PAX2: variants seen among roughly 807,000 people sequenced by gnomAD.
The protein encoded by PAX2 is paired box 2, also known as paired box protein Pax-2.
PAX2 carries 9 observed loss-of-function variants against 41.7 expected under a neutral mutation model. The observed-to-expected ratio is 0.22, with a 90% CI of 0.13 to 0.38. PAX2 has a LOEUF of 0.38. PAX2 is among the 10% of genes least tolerant of loss of function. The pLI, the probability that PAX2 is intolerant of heterozygous loss-of-function variation, is 1.00. For synonymous variants in PAX2, 221 were observed against 212.7 expected, an observed-to-expected ratio of 1.04 and a Z score of -0.34; for missense variants, 418 against 531.6, an observed-to-expected ratio of 0.79 and a Z score of 2.10.
At chr10:100,778,400 G>C (rs906838794) in intron 3 of PAX2, among the ~76,000 whole-genome samples, 1 of 152,132 alleles carries the variant, frequency 6.6e-6, no homozygotes, top group Non-Finnish European at 1.5e-5. Context: ...CTTTTTTGGG[G>C]ATTAAGTCTC....
chr10:100,810,919 T>G (rs186374192), intron 7 of PAX2, among the ~76,000 whole-genome samples: 57 of 147,350 alleles, frequency 3.9e-4, no homozygotes, highest in African/African-American at 1.4e-3. Flanking sequence ...GGCTGATCCA[T>G]CTGGATCCAA....
In PAX2 at chr10:100,824,804, T is replaced by C; in HGVS notation, c.1021+55T>C. The stretch of plus-strand genomic sequence containing the variant: ...TAGGTGGGGGGAACTAAATTGTGGG[T>C]GAGCTGCTGAATGGTCTGTAGTCTG... On this transcript the variant is annotated intron_variant, in intron 8 of 9. Coordinates refer to ENST00000355243, the MANE Select transcript of PAX2 (RefSeq NM_000278.5). The surrounding 1 kb of genome is among the most constrained non-coding windows in gnomAD (Gnocchi z 6.6). 1 of 1,492,982 alleles carries C rather than the reference T, an allele frequency of 6.7e-7. No individual in the cohort carries two copies. Among genetic ancestry groups the C allele is most frequent in the South Asian group, 1.1e-5 (1 of 88,646 alleles). The allele number at this position is 1,492,982 out of a possible 1,614,324, so 92.5% of individuals were successfully genotyped here.
In PAX2 at chr10:100,827,079, C is replaced by T. The variant is rs1350539745; in HGVS notation, c.1092C>T (p.Ser364=). ...YTAYNEAWRF[S]NPALLSSPYY... ...CCTACAACGAGGCTTGGAGATTCAG[C>T]AACCCCGCCTTACTAAGTGAGTACG... The change falls in exon 9 of 10, where the codon AGC becomes AGT. Residue 364 remains serine (S), a synonymous_variant. Coordinates refer to ENST00000355243, the MANE Select transcript of PAX2 (RefSeq NM_000278.5). The surrounding 1 kb of genome is among the most constrained non-coding windows in gnomAD (Gnocchi z 8.5). The T allele has an allele frequency of 6.2e-7, 1 of 1,613,030 alleles. No homozygotes were observed. Among genetic ancestry groups the T allele is most frequent in the Non-Finnish European group, 8.5e-7 (1 of 1,179,046 alleles).
Position 100,790,562 on chromosome 10 carries a change from G to A in PAX2, c.616+9197G>A, listed in dbSNP as rs1049493554. On this transcript the variant is annotated intron_variant, in intron 5 of 9. Transcript: ENST00000355243. ...AAGCAGGAAGGAGGAGATGAGCGCCGAAGCTATCCCCGGGCCCTGCTACTC... is the reference window on the plus strand; with the variant it reads ...AAGCAGGAAGGAGGAGATGAGCGCCAAAGCTATCCCCGGGCCCTGCTACTC... Among the ~76,000 whole-genome samples the A allele has an allele frequency of 9.2e-5, 14 of 152,208 alleles. 1 individual carries two copies. Among genetic ancestry groups the A allele is most frequent in the Non-Finnish European group, 1.9e-4 (13 of 68,048 alleles).
At chr10:100,799,988 T>C (rs1009456791) in intron 5 of PAX2, among the ~76,000 whole-genome samples, 1 of 152,004 alleles carries the variant, frequency 6.6e-6, no homozygotes, top group South Asian at 2.1e-4. Flanking sequence ...GGTTTTACCA[T>C]GTTGGCCAGG....
At chr10:100,809,492 C>G (rs1051300969) in intron 7 of PAX2, among the ~76,000 whole-genome samples, 1 of 152,212 alleles carries the variant, frequency 6.6e-6, no homozygotes, top group Non-Finnish European at 1.5e-5. Flanking sequence ...TCCTCCTGTC[C>G]TTCGCCTCTC....
chr10:100,738,000 C>T (rs1235749704), intron 1 of PAX2, among the ~76,000 whole-genome samples: 3 of 152,266 alleles, frequency 2.0e-5, no homozygotes, highest in Non-Finnish European at 4.4e-5. Flanking sequence ...GCTATCGCTG[C>T]CTATACCCCC....
rs543423053 is a variant in PAX2 at position 100,750,838 on chromosome 10, G to T, written c.357G>T (p.Leu119=). The change falls in exon 3 of 10, where the codon CTG becomes CTT. Residue 119 remains leucine (L), a synonymous_variant. Coordinates refer to ENST00000355243, the MANE Select transcript of PAX2 (RefSeq NM_000278.5). This position sits in a 1 kb window ranked among gnomAD's most constrained non-coding sequence, Gnocchi z 4.1. ...MFAWEIRDRL[L]AEGICDNDTV... is the part of the protein sequence containing the mutation. ...CCTGGGAGATTCGAGACCGGCTCCT[G>T]GCCGAGGGCATCTGTGACAATGACA... 48 of 1,614,152 alleles carry T rather than the reference G, an allele frequency of 3.0e-5. No individual in the cohort carries two copies. In the Admixed American group the frequency reaches 5.5e-4, roughly 18 times the overall value.
chr10:100,747,993 A>T, intron 1 of PAX2: 1 of 982,964 alleles, frequency 1.0e-6, no homozygotes, highest in Non-Finnish European at 1.2e-6. Context: ...AGAGAGCCGC[A>T]GCGCGGGCCC....
Position 100,828,173 on chromosome 10 carries a change from C to A in PAX2, c.*554C>A, listed in dbSNP as rs1459551357. 1 of 232,818 alleles carries A rather than the reference C, an allele frequency of 4.3e-6. No individual in the cohort carries two copies. The highest frequency in any genetic ancestry group is 8.5e-6 in the Non-Finnish European group (1 of 118,100). 14.4% of individuals were successfully genotyped at this position (232,818 alleles called of 1,614,324 possible). ...CGCTGCCGAATCCCTGGGAAAAATTCTTTTCCCCCAGTGCCAGCCGGACTG... is the reference window on the plus strand; with the variant it reads ...CGCTGCCGAATCCCTGGGAAAAATTATTTTCCCCCAGTGCCAGCCGGACTG... On this transcript the variant is annotated 3_prime_UTR_variant, in exon 10 of 10. Transcript: ENST00000355243. This position sits in a 1 kb window ranked among gnomAD's most constrained non-coding sequence, Gnocchi z 6.5.
At chr10:100,815,162 C>A (rs999464898) in intron 7 of PAX2, among the ~76,000 whole-genome samples, 1 of 152,148 alleles carries the variant, frequency 6.6e-6, no homozygotes, top group African/African-American at 2.4e-5. Flanking sequence ...AGTTAACAAC[C>A]CCCTTCCAAT....
intron 5 of PAX2, among the ~76,000 whole-genome samples, chr10:100,785,088 T>C (rs947278727): frequency 1.3e-5 from 2 of 152,182 alleles, no homozygotes; most frequent in Non-Finnish European, 2.9e-5. Context: ...GCTGTAATTA[T>C]GGGTGGGCAT....
At chr10:100,762,813 T>G (rs538258946) in intron 3 of PAX2, among the ~76,000 whole-genome samples, 1 of 152,160 alleles carries the variant, frequency 6.6e-6, no homozygotes, top group Admixed American at 6.5e-5. Flanking sequence ...TGACAATACA[T>G]AGAGATGCTA....
At chr10:100,810,239 G>A (rs1172220320) in intron 7 of PAX2, among the ~76,000 whole-genome samples, 3 of 152,232 alleles carry the variant, frequency 2.0e-5, no homozygotes, top group Non-Finnish European at 4.4e-5. Context: ...GCCCACTCTA[G>A]GACTGGGCCC....
At chr10:100,737,409 G>A (rs6584392) in intron 1 of PAX2, among the ~76,000 whole-genome samples, 122,130 of 152,284 alleles carry the variant, frequency 0.8, 49,192 homozygotes, top group East Asian at 1. Context: ...GGGTTAGGGC[G>A]GCCGCTTACC....
rs1307317100 is a variant in PAX2 at position 100,828,025 on chromosome 10, G to A, written c.*406G>A. On this transcript the variant is annotated 3_prime_UTR_variant, in exon 10 of 10. Transcript: ENST00000355243. The surrounding 1 kb of genome is among the most constrained non-coding windows in gnomAD (Gnocchi z 6.5). ...GATGTTTCTGTGACACACAATCAGCGCGGACCGCAGCGCGGCCCAGCCCCG... is the reference window on the plus strand; with the variant it reads ...GATGTTTCTGTGACACACAATCAGCACGGACCGCAGCGCGGCCCAGCCCCG... 1.2e-5 allele frequency: 3 copies of A among 255,898 alleles called. No homozygotes were observed. The highest frequency in any genetic ancestry group is 5.6e-5 in the Admixed American group (1 of 17,752). 15.9% of individuals were successfully genotyped at this position (255,898 alleles called of 1,614,324 possible). A position where few individuals can be genotyped will look rare whatever the true frequency, so the allele number is the denominator to read the frequency against.
At position 100,745,711 on chromosome 10, in the gene PAX2, CG is replaced by C; in HGVS notation, c.-545del. 2 of 915,416 alleles carry C rather than the reference CG, an allele frequency of 2.2e-6. No homozygotes were observed. The highest frequency in any genetic ancestry group is 2.6e-6 in the Non-Finnish European group (2 of 756,068). The allele number at this position is 915,416 out of a possible 1,614,324, so 56.7% of individuals were successfully genotyped here. A position where few individuals can be genotyped will look rare whatever the true frequency, so the allele number is the denominator to read the frequency against. ...GGCGTGCGCCTGCCTTTTCCGGGGG[CG>C]GGGGCCTGGCCCGCGCGCTCCCCTC... On this transcript the variant is annotated 5_prime_UTR_variant, in exon 1 of 10. Coordinates refer to ENST00000355243, the MANE Select transcript of PAX2 (RefSeq NM_000278.5).
intron 3 of PAX2, among the ~76,000 whole-genome samples, chr10:100,759,339 T>A (rs1175720428): frequency 6.6e-6 from 1 of 152,156 alleles, no homozygotes; most frequent in Non-Finnish European, 1.5e-5. Context: ...TGGCTGGAGC[T>A]ATGCAGCCCT....
At chr10:100,743,901 G>T (rs548857892), upstream of PAX2, among the ~76,000 whole-genome samples, 1 of 152,318 alleles carries the variant, frequency 6.6e-6, no homozygotes, top group East Asian at 1.9e-4. Flanking sequence ...AGGCGGTGAG[G>T]AGTGTTTTCC....
Sources: gnomAD v4.1 joint callset for allele counts (sites outside exome capture counted in the v4.1 genomes callset) on GRCh38, gnomAD v4.1.1 for gene constraint, Gnocchi (gnomAD v3.1) non-coding constraint, MANE v1.5 for transcripts, NCBI Gene and HGNC (gene_info 2026-07-23, HGNC 2026-07-21) for gene names.